Variants in ZSCAN2 observed in about 807,000 individuals in gnomAD.
ZSCAN2 encodes the protein zinc finger and SCAN domain-containing protein 2.
Under a neutral mutation model 47.8 loss-of-function variants are expected in ZSCAN2, and 26 were observed. The observed-to-expected ratio is 0.54, with a 90% confidence interval of 0.40 to 0.75. The LOEUF is 0.75. Ranked by LOEUF, ZSCAN2 falls within the 30% of genes least tolerant of loss-of-function variation. The pLI is 0.00. For synonymous variants in ZSCAN2, 305 were observed against 288.7 expected, an observed-to-expected ratio of 1.06 and a Z score of -0.57; for missense variants, 732 against 785.4, an observed-to-expected ratio of 0.93 and a Z score of 0.81.
At position 84,620,791 on chromosome 15, in the gene ZSCAN2, T is replaced by G. The variant is rs1596038161; in HGVS notation, c.596T>G (p.Val199Gly). 6.2e-7 allele frequency: 1 copy of G among 1,613,834 alleles called. No individual in the cohort carries two copies. Among genetic ancestry groups the G allele is most frequent in the Non-Finnish European group, 8.5e-7 (1 of 1,179,988 alleles). The change falls in exon 3 of 3, where the codon GTG (valine) becomes GGG (glycine). Residue 199 changes from valine to glycine, a missense_variant. Coordinates refer to ENST00000546148, the MANE Select transcript of ZSCAN2 (RefSeq NM_181877.4). ...GHSPGEDHGEVVSQDREVGQL... is the reference protein window; with the variant it reads ...GHSPGEDHGEGVSQDREVGQL... ...AGCCCAGGTGAGGACCACGGGGAGG[T>G]GGTTTCTCAGGACAGGGAAGTTGGC...
intron 2 of ZSCAN2, among the ~76,000 whole-genome samples, chr15:84,615,487 C>T (rs1484670160): frequency 6.6e-6 from 1 of 152,122 alleles, no homozygotes; most frequent in East Asian, 1.9e-4. Flanking sequence ...TGTACAGCCA[C>T]ACCTGGCTAA....
chr15:84,615,865 T>C (rs897870094), intron 2 of ZSCAN2, among the ~76,000 whole-genome samples: 1 of 152,164 alleles, frequency 6.6e-6, no homozygotes, highest in Non-Finnish European at 1.5e-5. Flanking sequence ...TTCTTCAAGC[T>C]CTTCTCTGTG....
rs1895800112 is a variant in ZSCAN2, at chr15:84,620,849, G to A, written c.654G>A (p.Gly218=). ...TAGGCCTGCAGGGCACCTACCTAGG[G>A]GAGAAGCCCTACGAATGTCCCCAGT... The part of the protein sequence containing the change: ...QLIGLQGTYL[G]EKPYECPQCG... The change falls in exon 3 of 3, where the codon GGG becomes GGA. Residue 218 remains glycine (G), a synonymous_variant. Transcript: ENST00000546148. 1.9e-6 allele frequency: 3 copies of A among 1,614,208 alleles called. No homozygotes were observed. Among genetic ancestry groups the A allele is most frequent in the Non-Finnish European group, 2.5e-6 (3 of 1,180,052 alleles).
intron 2 of ZSCAN2, among the ~76,000 whole-genome samples, chr15:84,614,008 A>G (rs1449793581): frequency 2.9e-4 from 3 of 10,430 alleles, no homozygotes; most frequent in Non-Finnish European, 4.0e-4. Context: ...TTTTTTTTTC[A>G]GAGACAGAGT....
At chr15:84,620,395 A>G (rs1895788131) in intron 2 of ZSCAN2, among the ~76,000 whole-genome samples, 1 of 152,214 alleles carries the variant, frequency 6.6e-6, no homozygotes, top group South Asian at 2.1e-4. Flanking sequence ...ATAGTGCAGC[A>G]TTGAACATGT....
chr15:84,606,293 C>T (rs1305142765), intron 2 of ZSCAN2: 1 of 468,058 alleles, frequency 2.1e-6, no homozygotes, highest in African/African-American at 2.1e-5. Context: ...ATGCTTGTCT[C>T]ACTAAGAATC....
chr15:84,612,904 G>C (rs141139718), intron 2 of ZSCAN2, among the ~76,000 whole-genome samples: 53 of 152,306 alleles, frequency 3.5e-4, no homozygotes, highest in African/African-American at 1.2e-3. Context: ...GCACTTAAAG[G>C]CTGCCAGATT....
At chr15:84,606,657 T>G (rs987442936) in intron 2 of ZSCAN2, 2 of 1,597,622 alleles carry the variant, frequency 1.3e-6, no homozygotes, top group African/African-American at 2.7e-5. Context: ...GTTATTTGGT[T>G]GGGGAGGCAC....
Position 84,617,267 on chromosome 15 carries a change from C to T in ZSCAN2, c.407-3335C>T, listed in dbSNP as rs1050854404. On this transcript the variant is annotated intron_variant, in intron 2 of 2. Transcript: ENST00000546148. ...CCTGGCCAACGTGGTGAAACCCTAT[C>T]TCTACTAAAAATACAAAAATTAGCC... 4.6e-5 allele frequency among the ~76,000 whole-genome samples: 7 copies of T among 152,004 alleles called. No homozygotes were observed. The East Asian group carries it at 1.2e-3, about 25-fold the overall frequency.
chr15:84,617,905 A>G (rs1895731634), intron 2 of ZSCAN2, among the ~76,000 whole-genome samples: 1 of 152,204 alleles, frequency 6.6e-6, no homozygotes, highest in Non-Finnish European at 1.5e-5. Context: ...TCGCTACTGT[A>G]CTACCGCCTC....
At position 84,622,729 on chromosome 15, in the gene ZSCAN2, G is replaced by A. The variant is rs1468836298; in HGVS notation, c.*689G>A. On this transcript the variant is annotated 3_prime_UTR_variant, in exon 3 of 3. Transcript: ENST00000546148. ...CCTTTCCATTGGTAAGAGTTGGACA[G>A]GGCCTTCAGGAAAGGGGTAAACCGA... 2 of 715,802 alleles carry A rather than the reference G, an allele frequency of 2.8e-6. No homozygotes were observed. The highest frequency in any genetic ancestry group is 5.2e-6 in the Non-Finnish European group (2 of 384,516). The allele number at this position is 715,802 out of a possible 1,614,324, so 44.3% of individuals were successfully genotyped here. A position where few individuals can be genotyped will look rare whatever the true frequency, so the allele number is the denominator to read the frequency against.
intron 2 of ZSCAN2, chr15:84,614,297 AT>A (rs1247200660): frequency 6.6e-6 from 1 of 151,912 alleles, no homozygotes; most frequent in Non-Finnish European, 1.5e-5. Context: ...TTTAGTGTTT[AT>A]TTTTGCAAAC....
intron 2 of ZSCAN2, among the ~76,000 whole-genome samples, chr15:84,605,594 G>T (rs1232725991): frequency 6.6e-6 from 1 of 152,200 alleles, no homozygotes; most frequent in Non-Finnish European, 1.5e-5. Flanking sequence ...GAGTTTGGGG[G>T]AAGGGTGGGT....
Position 84,620,784 on chromosome 15 carries a change from G to A in ZSCAN2, c.589G>A (p.Gly197Arg), listed in dbSNP as rs898022941. The A allele has an allele frequency of 1.6e-5, 26 of 1,614,058 alleles. No individual in the cohort carries two copies. Among genetic ancestry groups the A allele is most frequent in the Middle Eastern group, 1.6e-4 (1 of 6,084 alleles). ...LQGHSPGEDH[G>R]EVVSQDREVG... ...GGGACACAGCCCAGGTGAGGACCAC[G>A]GGGAGGTGGTTTCTCAGGACAGGGA... Residue 197 changes from glycine to arginine, a missense_variant, in exon 3 of 3, where the codon GGG becomes AGG. This residue lies in a region of ZSCAN2 where 320 missense variants were observed against 287.4 expected (regional missense o/e 1.11). Transcript: ENST00000546148.
At chr15:84,606,354 A>C (rs969436913) in intron 2 of ZSCAN2, 1 of 610,990 alleles carries the variant, frequency 1.6e-6, no homozygotes, top group Non-Finnish European at 2.9e-6. Context: ...TAAGTGCAGG[A>C]AACTCACATG....
chr15:84,603,417 G>A (rs1419106048), intron 1 of ZSCAN2, among the ~76,000 whole-genome samples: 2 of 147,368 alleles, frequency 1.4e-5, no homozygotes, highest in Non-Finnish European at 3.0e-5. Flanking sequence ...TGCCTGGGCT[G>A]GAGTGCAGTG....
chr15:84,617,078 C>T (rs746160144), intron 2 of ZSCAN2, among the ~76,000 whole-genome samples: 26 of 151,496 alleles, frequency 1.7e-4, no homozygotes, highest in Non-Finnish European at 3.4e-4. Flanking sequence ...GCCAGGATCG[C>T]GCCACTGCAC....
At chr15:84,611,779 A>T (rs569239926) in intron 2 of ZSCAN2, 57 of 152,200 alleles carry the variant, frequency 3.7e-4, no homozygotes, top group African/African-American at 1.4e-3. Context: ...AACAACAAAA[A>T]AGTGGATGTC....
intron 2 of ZSCAN2, among the ~76,000 whole-genome samples, chr15:84,607,430 C>T (rs1228184389): frequency 6.6e-6 from 1 of 151,950 alleles, no homozygotes; most frequent in African/African-American, 2.4e-5. Context: ...CAGTCTTTTC[C>T]CACCCCTGAC....
Sources: allele counts gnomAD v4.1 joint callset (sites outside exome capture counted in the v4.1 genomes callset), GRCh38; gene constraint gnomAD v4.1.1; regional missense constraint gnomAD v4.1.1; transcripts MANE v1.5; gene names NCBI Gene and HGNC (gene_info 2026-07-23, HGNC 2026-07-21).